FOXP2: variants seen among roughly 807,000 people sequenced by gnomAD.
FOXP2 encodes forkhead box P2, also known as forkhead box protein P2.
A neutral mutation model predicts 115.8 loss-of-function variants in FOXP2; 12 were observed. The observed-to-expected ratio is 0.10, with a 90% CI of 0.07 to 0.17. The LOEUF (loss-of-function observed/expected upper bound fraction) is 0.17, where lower values mean the gene tolerates loss of function less well. Among genes scored for constraint, FOXP2 ranks in the 10% least tolerant of loss-of-function variants. The pLI is 1.00. For missense variants in FOXP2, 629 were observed against 843.5 expected (o/e 0.75, Z 3.15); for synonymous variants, 328 against 297.7 (o/e 1.10, Z -1.05).
intron 16 of FOXP2, among the ~76,000 whole-genome samples, chr7:114,679,542 T>C (rs907842187): frequency 6.6e-6 from 1 of 152,108 alleles, no homozygotes; most frequent in Admixed American, 6.5e-5. Flanking sequence ...AATTTAAACA[T>C]CATGAAATGC....
In FOXP2 at chr7:114,691,078, G is replaced by A; in HGVS notation, c.*1152G>A. ...GATATGCTAGAAAGCAACAAATGTG[G>A]ATCACTGACCAAAACGATTATGTAC... On this transcript the variant is annotated 3_prime_UTR_variant, in exon 17 of 17. Transcript: ENST00000350908. 2.2e-6 allele frequency: 1 copy of A among 454,064 alleles called. No individual in the cohort carries two copies. The highest frequency in any genetic ancestry group is 4.4e-6 in the Non-Finnish European group (1 of 226,762). 28.1% of individuals were successfully genotyped at this position (454,064 alleles called of 1,614,324 possible).
intron 3 of FOXP2, among the ~76,000 whole-genome samples, chr7:114,556,963 C>T (rs1800494731): frequency 6.6e-6 from 1 of 152,132 alleles, no homozygotes; most frequent in Admixed American, 6.5e-5. Flanking sequence ...TACATCTACT[C>T]TGTTACTATG....
intron 1 of FOXP2, among the ~76,000 whole-genome samples, chr7:114,251,690 C>A (rs1795448554): frequency 6.6e-6 from 1 of 152,178 alleles, no homozygotes; most frequent in African/African-American, 2.4e-5. Flanking sequence ...AGATTTTGAG[C>A]TGTAACAATG....
At chr7:114,457,298 A>ATTTTC (rs1795352355) in intron 2 of FOXP2, among the ~76,000 whole-genome samples, 1 of 152,176 alleles carries the variant, frequency 6.6e-6, no homozygotes, top group East Asian at 1.9e-4. Flanking sequence ...AAAAGCATAT[A>ATTTTC]TGTGAATTAA....
chr7:114,387,614 A>G (rs746516309), intron 2 of FOXP2, among the ~76,000 whole-genome samples: 1 of 152,188 alleles, frequency 6.6e-6, no homozygotes, highest in Non-Finnish European at 1.5e-5. Context: ...TGAATATGCA[A>G]GAAAAGTTAG....
At chr7:114,662,891 C>T (rs1289285780) in intron 14 of FOXP2, among the ~76,000 whole-genome samples, 1 of 152,138 alleles carries the variant, frequency 6.6e-6, no homozygotes, top group East Asian at 1.9e-4. Flanking sequence ...CAAACTTCTA[C>T]TGCCTAATAT....
At chr7:114,361,662 A>G (rs1230810125) in intron 2 of FOXP2, among the ~76,000 whole-genome samples, 1 of 152,116 alleles carries the variant, frequency 6.6e-6, no homozygotes, top group Non-Finnish European at 1.5e-5. Context: ...AAAACTCAGT[A>G]AATTTTACCT....
At chr7:114,442,430 AAC>A (rs1794645571) in intron 2 of FOXP2, among the ~76,000 whole-genome samples, 1 of 152,012 alleles carries the variant, frequency 6.6e-6, no homozygotes, top group South Asian at 2.1e-4. Flanking sequence ...ATTTACTTAA[AAC>A]ACTGAATTGT....
chr7:114,495,108 T>C (rs1399531697), intron 2 of FOXP2, among the ~76,000 whole-genome samples: 1 of 152,188 alleles, frequency 6.6e-6, no homozygotes, highest in Non-Finnish European at 1.5e-5. Flanking sequence ...CCTTACCACA[T>C]ACACAAACTG....
rs755154909 is a variant in FOXP2, at chr7:114,628,728, A to G, written c.396+51A>G. 8.7e-6 allele frequency: 14 copies of G among 1,612,294 alleles called. No individual in the cohort carries two copies. In the South Asian group the frequency reaches 9.9e-5, roughly 11 times the overall value. On this transcript the variant is annotated intron_variant, in intron 4 of 16. Coordinates refer to ENST00000350908, the MANE Select transcript of FOXP2 (RefSeq NM_014491.4). ...TTCTAGCATGACTTAGAAGGTGTGC[A>G]CTTATTTTGAAAGTGCAGTGGGCAT...
At chr7:114,456,321 T>C (rs1206027343) in intron 2 of FOXP2, among the ~76,000 whole-genome samples, 1 of 152,092 alleles carries the variant, frequency 6.6e-6, no homozygotes, top group Non-Finnish European at 1.5e-5. Flanking sequence ...AAATCTGCAG[T>C]TTTTAAAACA....
In FOXP2 at chr7:114,334,725, G is replaced by A. The variant is rs183052609; in HGVS notation, c.-11+46616G>A. ...GAGTTGATATTTACATTCCAAATGA[G>A]TTTTTCTTCCAAACAAACTGATTTT... On this transcript the variant is annotated intron_variant, in intron 2 of 17. Transcript: ENST00000634411. 6.1e-3 allele frequency among the ~76,000 whole-genome samples: 915 copies of A among 151,098 alleles called. 4 individuals carry two copies. The highest frequency in any genetic ancestry group is 0.011 in the Non-Finnish European group (728 of 67,672).
intron 2 of FOXP2, among the ~76,000 whole-genome samples, chr7:114,314,051 T>C (rs78971456): frequency 1.3e-4 from 19 of 151,838 alleles, no homozygotes; most frequent in Non-Finnish European, 2.7e-4. Flanking sequence ...CCAAAAAGAA[T>C]AGAAAAGAAC....
intron 2 of FOXP2, among the ~76,000 whole-genome samples, chr7:114,481,100 G>A (rs1417514665): frequency 1.3e-5 from 2 of 151,082 alleles, no homozygotes; most frequent in African/African-American, 4.8e-5. Context: ...TTCCAACTCT[G>A]AGGATATGTT....
intron 2 of FOXP2, among the ~76,000 whole-genome samples, chr7:114,507,852 T>C (rs1797897827): frequency 6.6e-6 from 1 of 151,962 alleles, no homozygotes; most frequent in African/African-American, 2.4e-5. Flanking sequence ...CATTATCTTC[T>C]CTAATATAGT....
chr7:114,211,912 A>C (rs1794363689), intron 1 of FOXP2, among the ~76,000 whole-genome samples: 1 of 151,978 alleles, frequency 6.6e-6, no homozygotes, highest in Non-Finnish European at 1.5e-5. Context: ...TTCTCTACTA[A>C]AAATACAAAA....
intron 3 of FOXP2, among the ~76,000 whole-genome samples, chr7:114,591,777 CA>C (rs1181067713): frequency 2.0e-5 from 3 of 152,102 alleles, no homozygotes; most frequent in Non-Finnish European, 2.9e-5. Context: ...CCACAGCCTA[CA>C]AGCTGCATAG....
chr7:114,126,523 G>A (rs1791714460), intron 1 of FOXP2, among the ~76,000 whole-genome samples: 1 of 152,188 alleles, frequency 6.6e-6, no homozygotes, highest in Middle Eastern at 3.4e-3. Context: ...AAAGCTATTT[G>A]CAGTCATTAT....
intron 2 of FOXP2, among the ~76,000 whole-genome samples, chr7:114,532,465 G>A (rs935721901): frequency 6.6e-6 from 1 of 151,818 alleles, no homozygotes; most frequent in East Asian, 1.9e-4. Flanking sequence ...AACAGAAACA[G>A]TATGGCACAC....
Sources: gnomAD v4.1 joint callset for allele counts (sites outside exome capture counted in the v4.1 genomes callset) on GRCh38, gnomAD v4.1.1 for gene constraint, MANE v1.5 for transcripts, NCBI Gene and HGNC (gene_info 2026-07-23, HGNC 2026-07-21) for gene names.